ADAMTSL1: variants seen among roughly 807,000 people sequenced by gnomAD.
ADAMTSL1 encodes the protein ADAMTS like 1.
In ADAMTSL1, 126 loss-of-function variants were observed where a neutral mutation model predicts 201.8. The ratio of observed to expected loss-of-function variants is 0.62; its 90% CI spans 0.54 to 0.72. The LOEUF (loss-of-function observed/expected upper bound fraction) is 0.72, where lower values mean the gene tolerates loss of function less well. ADAMTSL1 is among the 30% of genes least tolerant of loss of function. The pLI is 0.00. For synonymous variants in ADAMTSL1, 1,121 were observed against 903.4 expected (o/e 1.24, Z -4.32); for missense variants, 2,679 against 2,277.8 (o/e 1.18, Z -3.59).
At chr9:18,409,383 C>CAAAAAAAAAAAAAAAAA (rs781106126) in intron 2 of ADAMTSL1, among the ~76,000 whole-genome samples, 37 of 77,068 alleles carry the variant, frequency 4.8e-4, no homozygotes, top group East Asian at 1.5e-3. Context: ...AACTCCGTCT[C>CAAAAAAAAAAAAAAAAA]AAAAAAAAAA....
chr9:18,280,872 G>GTTT (rs1832759509), intron 2 of ADAMTSL1, among the ~76,000 whole-genome samples: 1 of 108,564 alleles, frequency 9.2e-6, no homozygotes. Context: ...GCTGCATTCC[G>GTTT]CTTTTTTTTT....
chr9:18,587,041 C>A (rs1025038695), intron 4 of ADAMTSL1, among the ~76,000 whole-genome samples: 6 of 151,954 alleles, frequency 3.9e-5, no homozygotes, highest in African/African-American at 1.5e-4. Flanking sequence ...TAGGAACTGG[C>A]AAATATTTCG....
At chr9:17,984,514 T>C (rs1170426531) in intron 1 of ADAMTSL1, among the ~76,000 whole-genome samples, 2 of 152,178 alleles carry the variant, frequency 1.3e-5, no homozygotes, top group Non-Finnish European at 2.9e-5. Context: ...ATATGAAGTA[T>C]GTACCAATTG....
chr9:18,056,590 G>C (rs931526000), intron 1 of ADAMTSL1, among the ~76,000 whole-genome samples: 2 of 152,154 alleles, frequency 1.3e-5, no homozygotes, highest in African/African-American at 4.8e-5. Flanking sequence ...GAGGTAGGGA[G>C]CAAAAGAAGA....
At chr9:17,948,529 G>A (rs884098) in intron 1 of ADAMTSL1, among the ~76,000 whole-genome samples, 130,323 of 152,142 alleles carry the variant, frequency 0.86, 55,909 homozygotes, top group East Asian at 0.94. Flanking sequence ...TGTGTATACT[G>A]TCCTTGCAAG....
intron 5 of ADAMTSL1, among the ~76,000 whole-genome samples, chr9:18,628,536 A>T (rs1208615754): frequency 2.0e-5 from 3 of 152,094 alleles, no homozygotes; most frequent in Non-Finnish European, 4.4e-5. Context: ...CTTGTTTTCA[A>T]ATTCATTTTG....
intron 4 of ADAMTSL1, among the ~76,000 whole-genome samples, chr9:18,581,455 T>A (rs1823085999): frequency 6.6e-6 from 1 of 152,196 alleles, no homozygotes; most frequent in Non-Finnish European, 1.5e-5. Flanking sequence ...ATTTACATCC[T>A]TCACATGTGA....
At chr9:18,302,166 T>C (rs1159149067) in intron 2 of ADAMTSL1, among the ~76,000 whole-genome samples, 2 of 152,206 alleles carry the variant, frequency 1.3e-5, no homozygotes, top group East Asian at 3.9e-4. Context: ...CCAACAATTC[T>C]TTATGCCAGA....
At chr9:18,348,754 A>AC (rs1448538813) in intron 2 of ADAMTSL1, among the ~76,000 whole-genome samples, 2 of 152,136 alleles carry the variant, frequency 1.3e-5, no homozygotes, top group African/African-American at 2.4e-5. Context: ...CCAGATCTTT[A>AC]CTTTCTTTCC....
chr9:18,259,361 A>G (rs1831823082), intron 2 of ADAMTSL1, among the ~76,000 whole-genome samples: 1 of 151,998 alleles, frequency 6.6e-6, no homozygotes, highest in Non-Finnish European at 1.5e-5. Flanking sequence ...CCGTCTCTAC[A>G]AAAAGTACAA....
rs561959662 is a variant in ADAMTSL1 at position 18,153,294 on chromosome 9, C to T, written c.88-10568C>T. Among the ~76,000 whole-genome samples the T allele has an allele frequency of 7.9e-5, 12 of 152,138 alleles. No individual in the cohort carries two copies. The East Asian group carries it at 1.9e-3, about 25-fold the overall frequency. ...CTACATTTTAATCTATACTCTGACC[C>T]TTATTAGATAAATGCTCTTGGGAAA... On this transcript the variant is annotated intron_variant, in intron 1 of 29. Transcript: ENST00000680146.
intron 2 of ADAMTSL1, among the ~76,000 whole-genome samples, chr9:18,413,509 G>A (rs1192844140): frequency 6.6e-6 from 1 of 152,084 alleles, no homozygotes; most frequent in Non-Finnish European, 1.5e-5. Context: ...TACCGATTCT[G>A]TGTCTGTAAT....
At chr9:18,764,520 G>C (rs1202646426) in intron 16 of ADAMTSL1, among the ~76,000 whole-genome samples, 1 of 152,136 alleles carries the variant, frequency 6.6e-6, no homozygotes, top group African/African-American at 2.4e-5. Context: ...GCCAGGACAA[G>C]AAGTGGCTTT....
intron 4 of ADAMTSL1, among the ~76,000 whole-genome samples, chr9:18,604,357 G>A (rs1246507389): frequency 1.3e-5 from 2 of 152,038 alleles, no homozygotes; most frequent in African/African-American, 4.8e-5. Flanking sequence ...TAACACTTAT[G>A]GTTTACTCTT....
At chr9:18,853,827 A>C (rs1826659112) in intron 23 of ADAMTSL1, among the ~76,000 whole-genome samples, 1 of 151,874 alleles carries the variant, frequency 6.6e-6, no homozygotes, top group African/African-American at 2.4e-5. Context: ...ACACCAAGCA[A>C]AGAGATAAGT....
At chr9:18,223,652 G>T (rs1366603769) in intron 2 of ADAMTSL1, among the ~76,000 whole-genome samples, 1 of 151,890 alleles carries the variant, frequency 6.6e-6, no homozygotes, top group East Asian at 1.9e-4. Context: ...CTTCATACCT[G>T]CAAGCATTTT....
At chr9:18,020,855 G>T (rs1820453266) in intron 1 of ADAMTSL1, among the ~76,000 whole-genome samples, 1 of 152,232 alleles carries the variant, frequency 6.6e-6, no homozygotes. Context: ...CAAAGCGTCA[G>T]TAACTGCAAC....
intron 3 of ADAMTSL1, among the ~76,000 whole-genome samples, chr9:18,562,479 A>G (rs202217755): frequency 6.6e-6 from 1 of 152,116 alleles, no homozygotes; most frequent in Non-Finnish European, 1.5e-5. Flanking sequence ...CTTGCCGAAT[A>G]TGACAATTAT....
At chr9:18,366,627 ATTTTTTTT>A (rs772034324) in intron 2 of ADAMTSL1, among the ~76,000 whole-genome samples, 5 of 112,830 alleles carry the variant, frequency 4.4e-5, no homozygotes, top group African/African-American at 1.4e-4. Context: ...GAAATCACTA[ATTTTTTTT>A]TTTTTTTTTT....
Sources: gnomAD v4.1 joint callset for allele counts (sites outside exome capture counted in the v4.1 genomes callset) on GRCh38, gnomAD v4.1.1 for gene constraint, MANE v1.5 for transcripts, NCBI Gene and HGNC (gene_info 2026-07-23, HGNC 2026-07-21) for gene names.